Variants in SGCZ observed in about 807,000 individuals in gnomAD.
SGCZ encodes the protein sarcoglycan zeta, also known as zeta-sarcoglycan.
A neutral mutation model predicts 41.3 loss-of-function variants in SGCZ; 40 were observed. The ratio of observed to expected loss-of-function variants is 0.97; its 90% CI spans 0.75 to 1.26. The LOEUF is 1.26. Ranked by LOEUF, SGCZ falls within the 50% of genes most tolerant of loss-of-function variation. The pLI, the probability that SGCZ is intolerant of heterozygous loss-of-function variation, is 0.00. For missense variants in SGCZ, 552 were observed against 369.8 expected (o/e 1.49, Z -4.04); for synonymous variants, 206 against 137.5 (o/e 1.50, Z -3.49).
At chr8:15,147,150 G>A (rs566507321) in intron 1 of SGCZ, among the ~76,000 whole-genome samples, 1 of 152,186 alleles carries the variant, frequency 6.6e-6, no homozygotes, top group South Asian at 2.1e-4. Context: ...TAATACTGCT[G>A]GTAGAACACT....
chr8:15,143,066 G>A (rs1371945665), intron 1 of SGCZ, among the ~76,000 whole-genome samples: 3 of 152,140 alleles, frequency 2.0e-5, no homozygotes, highest in African/African-American at 7.2e-5. Context: ...ATTTGCAGTT[G>A]CTAAGGAACC....
chr8:14,567,190 T>A (rs7001161), intron 1 of SGCZ, among the ~76,000 whole-genome samples: 46,202 of 152,026 alleles, frequency 0.3, 7,251 homozygotes, highest in African/African-American at 0.39. Flanking sequence ...CAGCGCCGGG[T>A]CCCATGGATC....
At chr8:14,690,451 T>A (rs181745599) in intron 1 of SGCZ, 20 of 152,230 alleles carry the variant, frequency 1.3e-4, no homozygotes, top group African/African-American at 4.1e-4. Flanking sequence ...GATGATGAGA[T>A]GCTGTTGATC....
chr8:14,315,287 T>C (rs1801678450), intron 3 of SGCZ, among the ~76,000 whole-genome samples: 1 of 152,126 alleles, frequency 6.6e-6, no homozygotes, highest in South Asian at 2.1e-4. Flanking sequence ...AATTACGTTA[T>C]ATAGAAATCA....
intron 1 of SGCZ, among the ~76,000 whole-genome samples, chr8:14,957,924 T>C (rs948581198): frequency 1.3e-5 from 2 of 151,990 alleles, no homozygotes; most frequent in East Asian, 1.9e-4. Flanking sequence ...TACAGAAAAA[T>C]ACTTCTTATG....
At chr8:15,097,964 C>G (rs1563124300) in intron 1 of SGCZ, among the ~76,000 whole-genome samples, 5 of 147,862 alleles carry the variant, frequency 3.4e-5, no homozygotes, top group Non-Finnish European at 6.0e-5. Flanking sequence ...AAAACAGGAA[C>G]TGGGTATTGC....
intron 1 of SGCZ, among the ~76,000 whole-genome samples, chr8:14,867,317 G>A (rs1302554149): frequency 6.6e-6 from 1 of 152,044 alleles, no homozygotes; most frequent in Non-Finnish European, 1.5e-5. Context: ...ATTCCATGGT[G>A]TATATGTACT....
In SGCZ at chr8:14,108,144, T is replaced by C. The variant is rs1179227251; in HGVS notation, c.620+19A>G. 1 of 1,611,952 alleles carries C rather than the reference T, an allele frequency of 6.2e-7. No homozygotes were observed. Among genetic ancestry groups the C allele is most frequent in the Non-Finnish European group, 8.5e-7 (1 of 1,178,124 alleles). On this transcript the variant is annotated intron_variant, in intron 6 of 7. Transcript: ENST00000382080. ...ACAATGATGGATTTTATGCCACAGG[T>C]ATAAGAGGAAGCCCTTACCTGAGAT...
At chr8:14,844,302 AC>A (rs1186264792) in intron 1 of SGCZ, among the ~76,000 whole-genome samples, 36 of 152,248 alleles carry the variant, frequency 2.4e-4, no homozygotes, top group African/African-American at 8.7e-4. Flanking sequence ...GAGAGTGGAA[AC>A]AACAGTAGAT....
At chr8:14,555,410 C>T (rs144695520) in intron 1 of SGCZ, among the ~76,000 whole-genome samples, 10 of 151,948 alleles carry the variant, frequency 6.6e-5, no homozygotes, top group South Asian at 4.2e-4. Context: ...TCTCATGGGA[C>T]GTGGTTAAGT....
intron 2 of SGCZ, among the ~76,000 whole-genome samples, chr8:14,480,422 T>TC (rs1278603820): frequency 6.6e-6 from 1 of 152,084 alleles, no homozygotes; most frequent in Non-Finnish European, 1.5e-5. Flanking sequence ...CCACCTTATC[T>TC]CCCCACAAAA....
intron 2 of SGCZ, among the ~76,000 whole-genome samples, chr8:14,423,318 TA>T (rs201235887): frequency 0.013 from 1,821 of 143,002 alleles, 31 homozygotes; most frequent in African/African-American, 0.042. Flanking sequence ...ATAATAATAA[TA>T]AAAAAAGAAA....
At chr8:14,362,269 G>T (rs929479839) in intron 2 of SGCZ, among the ~76,000 whole-genome samples, 1 of 152,200 alleles carries the variant, frequency 6.6e-6, no homozygotes, top group Non-Finnish European at 1.5e-5. Context: ...GTTCAGATAT[G>T]CCCTGCCCCC....
intron 3 of SGCZ, among the ~76,000 whole-genome samples, chr8:14,299,928 T>C (rs549323709): frequency 8.4e-4 from 128 of 152,130 alleles, no homozygotes; most frequent in African/African-American, 3.0e-3. Flanking sequence ...ACTGCATTGC[T>C]GAATGATCAA....
At chr8:15,047,239 G>C (rs1804341063) in intron 1 of SGCZ, among the ~76,000 whole-genome samples, 1 of 151,966 alleles carries the variant, frequency 6.6e-6, no homozygotes, top group South Asian at 2.1e-4. Flanking sequence ...CTTTCACTTA[G>C]AAAAAGTACA....
chr8:14,102,427 G>A lies in SGCZ; in HGVS notation c.693C>T (p.Asp231=), dbSNP rs1802059572. 1 of 1,533,662 alleles carries A rather than the reference G, an allele frequency of 6.5e-7. No individual in the cohort carries two copies. ...RGVQVSAAAG[D]FKATCRKELH... ...GCTCCTTCCTGCAGGTGGCCTTGAA[G>A]TCTCCTGCAGCAGCACTCACCTGGA... Residue 231 remains aspartate (D), a synonymous_variant, in exon 7 of 8, where the codon GAC becomes GAT. Transcript: ENST00000382080.
intron 5 of SGCZ, among the ~76,000 whole-genome samples, chr8:14,147,667 T>C (rs1803568898): frequency 6.6e-6 from 1 of 151,956 alleles, no homozygotes; most frequent in Non-Finnish European, 1.5e-5. Flanking sequence ...AGACAGAAAA[T>C]AAAGAAGCAT....
At chr8:14,239,401 G>T (rs1231875129) in intron 3 of SGCZ, among the ~76,000 whole-genome samples, 1 of 151,994 alleles carries the variant, frequency 6.6e-6, no homozygotes. Flanking sequence ...ACATCCTGCA[G>T]TTCAAAAAAT....
intron 4 of SGCZ, among the ~76,000 whole-genome samples, chr8:14,209,430 C>T (rs970476238): frequency 6.6e-6 from 1 of 151,726 alleles, no homozygotes. Context: ...AGACAGGAAC[C>T]CTGGGTATAT....
Sources: allele counts gnomAD v4.1 joint callset (sites outside exome capture counted in the v4.1 genomes callset), GRCh38; gene constraint gnomAD v4.1.1; transcripts MANE v1.5; gene names NCBI Gene and HGNC (gene_info 2026-07-23, HGNC 2026-07-21).